ESF1: variants seen among roughly 807,000 people sequenced by gnomAD.
ESF1 encodes the protein ESF1 homolog.
In ESF1, 58 loss-of-function variants were observed where a neutral mutation model predicts 92.0. That is an observed-to-expected ratio of 0.63 (90% CI 0.51 to 0.78). The LOEUF (loss-of-function observed/expected upper bound fraction) is 0.78, where lower values mean the gene tolerates loss of function less well. Ranked by LOEUF, ESF1 falls within the 30% of genes least tolerant of loss-of-function variation. The pLI, the probability that ESF1 is intolerant of heterozygous loss-of-function variation, is 0.00. For missense variants in ESF1, 922 were observed against 989.1 expected (o/e 0.93, Z 0.91); for synonymous variants, 321 against 313.7 (o/e 1.02, Z -0.24).
At chr20:13,723,382 T>C (rs1301570276) in intron 11 of ESF1, among the ~76,000 whole-genome samples, 1 of 151,858 alleles carries the variant, frequency 6.6e-6, no homozygotes, top group Admixed American at 6.6e-5. Flanking sequence ...TACAATGTTG[T>C]AAAATTACAA....
At chr20:13,762,211 T>C (rs1010730094) in intron 8 of ESF1, among the ~76,000 whole-genome samples, 6 of 152,202 alleles carry the variant, frequency 3.9e-5, no homozygotes, top group Non-Finnish European at 8.8e-5. Flanking sequence ...TATGTATATA[T>C]TGTTTTCTTA....
intron 9 of ESF1, among the ~76,000 whole-genome samples, chr20:13,741,860 T>G (rs941491310): frequency 6.6e-6 from 1 of 152,204 alleles, no homozygotes; most frequent in Non-Finnish European, 1.5e-5. Flanking sequence ...ATTAGCTGTC[T>G]TATACAAGAC....
chr20:13,748,234 G>A (rs796320650), intron 9 of ESF1, among the ~76,000 whole-genome samples: 36 of 152,092 alleles, frequency 2.4e-4, no homozygotes, highest in African/African-American at 8.2e-4. Context: ...CTGTCTCCTA[G>A]TTTTGTGATC....
intron 9 of ESF1, among the ~76,000 whole-genome samples, chr20:13,736,676 T>C (rs1427081960): frequency 6.6e-6 from 1 of 152,222 alleles, no homozygotes; most frequent in Non-Finnish European, 1.5e-5. Flanking sequence ...ATCAAAACTT[T>C]AGGATCGAAA....
At chr20:13,728,889 A>C (rs2049922197) in intron 10 of ESF1, among the ~76,000 whole-genome samples, 1 of 151,916 alleles carries the variant, frequency 6.6e-6, no homozygotes, top group Admixed American at 6.6e-5. Context: ...AATTAAAAGA[A>C]AAAAAAAGTA....
Position 13,769,989 on chromosome 20 carries a change from T to G in ESF1, c.1436A>C (p.Glu479Ala), listed in dbSNP as rs1979610021. ...FIPDDITFDDEPKDVASEVNL... is the reference protein window; with the variant it reads ...FIPDDITFDDAPKDVASEVNL... Reference sequence around the variant, plus strand: ...CACTTCTGAGGCTACATCCTTAGGCTCATCATCAAAAGTAATATCATCTGG... The same window carrying G: ...CACTTCTGAGGCTACATCCTTAGGCGCATCATCAAAAGTAATATCATCTGG... Residue 479 changes from glutamate to alanine, a missense_variant, in exon 7 of 14, where the codon GAG becomes GCG. Coordinates refer to ENST00000617257, the MANE Select transcript of ESF1 (RefSeq NM_001276380.2). The G allele has an allele frequency of 6.2e-7, 1 of 1,610,090 alleles. No homozygotes were observed.
chr20:13,778,954 G>T (rs1980061779), intron 2 of ESF1, among the ~76,000 whole-genome samples: 1 of 152,266 alleles, frequency 6.6e-6, no homozygotes, highest in East Asian at 1.9e-4. Flanking sequence ...GCTGAGGTGG[G>T]AGAATCACCT....
intron 2 of ESF1, among the ~76,000 whole-genome samples, chr20:13,781,106 T>C (rs571292531): frequency 6.6e-6 from 1 of 152,336 alleles, no homozygotes; most frequent in South Asian, 2.1e-4. Context: ...CAGATTTCCA[T>C]GGCTTTCTGC....
chr20:13,764,740 CATTGTCATCATCACACTGGGTA>C (rs989365753), intron 8 of ESF1, among the ~76,000 whole-genome samples: 1 of 152,022 alleles, frequency 6.6e-6, no homozygotes, highest in African/African-American at 2.4e-5. Flanking sequence ...TCTCCATCCT[CATTGTCATCATCACACTGGGTA>C]GGCTGAGGAG....
chr20:13,781,967 C>T (rs1000844882), intron 2 of ESF1, among the ~76,000 whole-genome samples: 1 of 152,176 alleles, frequency 6.6e-6, no homozygotes, highest in African/African-American at 2.4e-5. Context: ...ACCTCCACCT[C>T]CCAGGTTCAA....
At chr20:13,733,696 A>C (rs757037410) in intron 10 of ESF1, 25 bp downstream of exon 10, 1 of 1,605,634 alleles carries the variant, frequency 6.2e-7, no homozygotes, top group Non-Finnish European at 8.5e-7. Flanking sequence ...TTCAACAAAC[A>C]TTTGGTCATA....
At chr20:13,737,820 A>AT (rs201405860) in intron 9 of ESF1, among the ~76,000 whole-genome samples, 14,119 of 152,094 alleles carry the variant, frequency 0.093, 812 homozygotes, top group Non-Finnish European at 0.13. Flanking sequence ...TGCCAGACTA[A>AT]TTTTTTCTGT....
rs59748081 is a variant in ESF1 at position 13,732,903 on chromosome 20, C to CTTATTTAT, written c.1950+810_1950+817dup. Reference sequence around the variant, plus strand: ...ACCACATTAACACAGAGGAAATACTCTTATTTATTTATTTATTTATTTATT... The same window carrying CTTATTTAT: ...ACCACATTAACACAGAGGAAATACTCTTATTTATTTATTTATTTATTTATTTATTTATT... On this transcript the variant is annotated intron_variant, in intron 10 of 13. Transcript: ENST00000617257. 6.3e-3 allele frequency among the ~76,000 whole-genome samples: 929 copies of CTTATTTAT among 147,430 alleles called. 4 individuals are homozygous for CTTATTTAT. Among genetic ancestry groups the CTTATTTAT allele is most frequent in the African/African-American group, 0.011 (426 of 39,508 alleles).
rs191931159 is a variant in ESF1 at position 13,717,210 on chromosome 20, G to A, written c.2262+158C>T. 5.0e-4 allele frequency among the ~76,000 whole-genome samples: 76 copies of A among 151,920 alleles called. No individual in the cohort carries two copies. In the East Asian group the frequency reaches 0.011, roughly 22 times the overall value. On this transcript the variant is annotated intron_variant, in intron 13 of 13. Coordinates refer to ENST00000617257, the MANE Select transcript of ESF1 (RefSeq NM_001276380.2). The stretch of plus-strand genomic sequence containing the variant: ...TGGACTCAAGTGATCCTCATGCCTC[G>A]GCCTCCAAAAAAGTGTTGGGATTAT...
intron 1 of ESF1, 152 bp downstream of exon 1, chr20:13,784,728 T>A (rs1600303055): frequency 6.1e-6 from 2 of 327,070 alleles, no homozygotes; most frequent in Non-Finnish European, 1.2e-5. Flanking sequence ...GACTGAAGAA[T>A]GAGACCGAAA....
In ESF1 at chr20:13,759,773, T is replaced by C. The variant is rs746073924; in HGVS notation, c.1747A>G (p.Arg583Gly). 2 of 1,583,624 alleles carry C rather than the reference T, an allele frequency of 1.3e-6. No individual in the cohort carries two copies. The part of the protein sequence containing the change: ...KDDEEQIAKY[R>G]QLLQVIQEKE... Reference sequence around the variant, plus strand: ...TCTTGAATAACCTGCAAGAGCTGCCTGTATTTAGCAATTTGTTCTTCATCA... The same window carrying C: ...TCTTGAATAACCTGCAAGAGCTGCCCGTATTTAGCAATTTGTTCTTCATCA... The change falls in exon 9 of 14, where the codon AGG (arginine) becomes GGG (glycine). Residue 583 changes from arginine (R) to glycine (G), a missense_variant. Physicochemically the swap from Arg to Gly is moderately radical, Grantham distance 125. Coordinates refer to ENST00000617257, the MANE Select transcript of ESF1 (RefSeq NM_001276380.2).
At chr20:13,753,530 T>C (rs778866273) in intron 9 of ESF1, among the ~76,000 whole-genome samples, 1 of 151,584 alleles carries the variant, frequency 6.6e-6, no homozygotes, top group Non-Finnish European at 1.5e-5. Flanking sequence ...TGACCACAGA[T>C]GCTCTTCTCA....
chr20:13,741,198 G>A (rs2050011399), intron 9 of ESF1, among the ~76,000 whole-genome samples: 2 of 152,076 alleles, frequency 1.3e-5, no homozygotes, highest in South Asian at 4.2e-4. Context: ...ACTAAATTCT[G>A]TGGAACTCAC....
intron 2 of ESF1, among the ~76,000 whole-genome samples, chr20:13,782,006 A>G (rs1483931690): frequency 1.3e-5 from 2 of 152,126 alleles, no homozygotes; most frequent in Non-Finnish European, 2.9e-5. Flanking sequence ...CCTCCCGAAT[A>G]GCTGGGACTA....
Sources: gnomAD v4.1 joint callset for allele counts (sites outside exome capture counted in the v4.1 genomes callset) on GRCh38, gnomAD v4.1.1 for gene constraint, MANE v1.5 for transcripts, NCBI Gene and HGNC (gene_info 2026-07-23, HGNC 2026-07-21) for gene names.